Variants in CSGALNACT1 observed in about 807,000 individuals in gnomAD.
CSGALNACT1 encodes the protein chondroitin sulfate N-acetylgalactosaminyltransferase 1.
In CSGALNACT1, 52 loss-of-function variants were observed where a neutral mutation model predicts 51.0. The ratio of observed to expected loss-of-function variants is 1.02; its 90% CI spans 0.82 to 1.29. The LOEUF (loss-of-function observed/expected upper bound fraction) is 1.29, where lower values mean the gene tolerates loss of function less well. Ranked by LOEUF, CSGALNACT1 falls within the 50% of genes most tolerant of loss-of-function variation. The pLI is 0.00. For synonymous variants in CSGALNACT1, 341 were observed against 254.4 expected (o/e 1.34, Z -3.24); for missense variants, 935 against 679.2 (o/e 1.38, Z -4.19).
chr8:19,594,708 TA>T (rs2048526629), intron 2 of CSGALNACT1, among the ~76,000 whole-genome samples: 2 of 150,570 alleles, frequency 1.3e-5, no homozygotes, highest in South Asian at 4.2e-4. Flanking sequence ...CAGGCCTGGC[TA>T]ATTTTTTTTT....
chr8:19,481,664 C>T (rs2071434102), intron 4 of CSGALNACT1, among the ~76,000 whole-genome samples: 1 of 152,128 alleles, frequency 6.6e-6, no homozygotes, highest in Non-Finnish European at 1.5e-5. Flanking sequence ...AAAATGACAT[C>T]ATAGTCGTTT....
chr8:19,538,314 T>C (rs890972360), intron 3 of CSGALNACT1, among the ~76,000 whole-genome samples: 1 of 151,786 alleles, frequency 6.6e-6, no homozygotes, highest in African/African-American at 2.4e-5. Context: ...CAGAGCAAGA[T>C]CCTGTCTGAA....
chr8:19,632,355 C>T (rs986923522), intron 1 of CSGALNACT1, among the ~76,000 whole-genome samples: 3 of 152,260 alleles, frequency 2.0e-5, no homozygotes, highest in Non-Finnish European at 4.4e-5. Flanking sequence ...AGCGCTTTCT[C>T]AACTATCTAT....
At chr8:19,614,138 C>T (rs547294376) in intron 1 of CSGALNACT1, among the ~76,000 whole-genome samples, 1 of 152,258 alleles carries the variant, frequency 6.6e-6, no homozygotes, top group East Asian at 1.9e-4. Flanking sequence ...TTAATGCCCC[C>T]TTTTAAAAAC....
chr8:19,684,577 C>A (rs1382596406), upstream of CSGALNACT1, among the ~76,000 whole-genome samples: 1 of 152,140 alleles, frequency 6.6e-6, no homozygotes, highest in Non-Finnish European at 1.5e-5. Context: ...CCCCTCCTCA[C>A]TCCCCTGGGA....
chr8:19,405,469 C>T (rs768709108), exon 10 of CSGALNACT1: 1 of 534,238 alleles, frequency 1.9e-6, no homozygotes, highest in South Asian at 1.5e-5. Flanking sequence ...TCAATGAGCA[C>T]ACAAAACAAC....
intron 2 of CSGALNACT1, among the ~76,000 whole-genome samples, chr8:19,598,414 C>T (rs1054626783): frequency 1.3e-5 from 2 of 152,116 alleles, no homozygotes; most frequent in South Asian, 4.1e-4. Flanking sequence ...TTCCATTCAA[C>T]GAAAATATTT....
chr8:19,584,619 C>A (rs1018404957), intron 3 of CSGALNACT1, among the ~76,000 whole-genome samples: 1 of 152,154 alleles, frequency 6.6e-6, no homozygotes, highest in African/African-American at 2.4e-5. Context: ...ATTGACTATT[C>A]AGAAATCAAA....
chr8:19,669,297 T>C (rs2059609797), intron 1 of CSGALNACT1, among the ~76,000 whole-genome samples: 1 of 152,186 alleles, frequency 6.6e-6, no homozygotes, highest in Admixed American at 6.5e-5. Flanking sequence ...AGCAAACAAC[T>C]TTCTCTTCAA....
At chr8:19,712,593 G>A (rs937990330) in intron 1 of CSGALNACT1, among the ~76,000 whole-genome samples, 30 of 152,078 alleles carry the variant, frequency 2.0e-4, no homozygotes, top group African/African-American at 6.8e-4. Flanking sequence ...AATCATCCCT[G>A]CAAATCTCTT....
intron 4 of CSGALNACT1, among the ~76,000 whole-genome samples, chr8:19,504,570 C>T (rs776883861): frequency 1.3e-5 from 2 of 152,082 alleles, no homozygotes; most frequent in South Asian, 2.1e-4. Context: ...GGCTGTCCTA[C>T]GCCCGTGAAA....
chr8:19,669,436 T>C (rs1341432293), intron 1 of CSGALNACT1, among the ~76,000 whole-genome samples: 1 of 152,154 alleles, frequency 6.6e-6, no homozygotes, highest in Admixed American at 6.5e-5. Flanking sequence ...CCGTTTCTAA[T>C]TTTTTTGTTG....
intron 6 of CSGALNACT1, among the ~76,000 whole-genome samples, chr8:19,431,375 G>T (rs1011505400): frequency 6.6e-6 from 1 of 152,012 alleles, no homozygotes; most frequent in African/African-American, 2.4e-5. Flanking sequence ...TATCATAAAA[G>T]GATGTTGGAT....
chr8:19,449,516 C>G (rs1260636085), intron 5 of CSGALNACT1, among the ~76,000 whole-genome samples: 1 of 134,662 alleles, frequency 7.4e-6, no homozygotes, highest in Non-Finnish European at 1.6e-5. Flanking sequence ...ACATTCCAGG[C>G]TCATTTCAAT....
In CSGALNACT1 at chr8:19,666,992, AAAGAAAGAAAGAAAGAAAGAAAGAAAGG is replaced by A. The variant is rs879804735; in HGVS notation, c.-544+15453_-544+15480del. ...GAAAGAAAGAAAGAAAGAAAGAAAG[AAAGAAAGAAAGAAAGAAAGAAAGAAAGG>A]AAGGAAGGAAGGAAGGAAGGAAGAA... On this transcript the variant is annotated intron_variant, in intron 1 of 9. Coordinates refer to the CSGALNACT1 transcript ENST00000332246. 5.7e-3 allele frequency among the ~76,000 whole-genome samples: 105 copies of A among 18,348 alleles called. 5 individuals carry two copies. The highest frequency in any genetic ancestry group is 8.8e-3 in the Non-Finnish European group (85 of 9,642). 12.0% of individuals were successfully genotyped at this position (18,348 alleles called of 152,430 possible).
At chr8:19,479,244 G>A (rs146985776) in intron 4 of CSGALNACT1, among the ~76,000 whole-genome samples, 1 of 152,298 alleles carries the variant, frequency 6.6e-6, no homozygotes, top group East Asian at 1.9e-4. Context: ...CATTACAGCT[G>A]TCACCAACGC....
chr8:19,582,807 T>C (rs1354208475), intron 3 of CSGALNACT1, among the ~76,000 whole-genome samples: 1 of 152,208 alleles, frequency 6.6e-6, no homozygotes. Context: ...TGTATGTATA[T>C]AAGCCAACAA....
At chr8:19,535,942 A>C (rs1321006657) in intron 3 of CSGALNACT1, among the ~76,000 whole-genome samples, 1 of 152,178 alleles carries the variant, frequency 6.6e-6, no homozygotes, top group South Asian at 2.1e-4. Context: ...TAATTTTCAC[A>C]ACTTTTGATA....
At chr8:19,582,796 G>C (rs995470884) in intron 3 of CSGALNACT1, among the ~76,000 whole-genome samples, 1 of 152,194 alleles carries the variant, frequency 6.6e-6, no homozygotes, top group African/African-American at 2.4e-5. Flanking sequence ...AGTAGCCCCT[G>C]TGTATGTATA....
Sources: allele counts gnomAD v4.1 joint callset (sites outside exome capture counted in the v4.1 genomes callset), GRCh38; gene constraint gnomAD v4.1.1; transcripts MANE v1.5; gene names NCBI Gene and HGNC (gene_info 2026-07-23, HGNC 2026-07-21).